The following ANKRD29 variants were observed in gnomAD, a reference collection of about 807,000 sequenced individuals.
The protein encoded by ANKRD29 is ankyrin repeat domain 29.
ANKRD29 carries 32 observed loss-of-function variants against 38.0 expected under a neutral mutation model. The ratio of observed to expected loss-of-function variants is 0.84; its 90% confidence interval spans 0.64 to 1.13. ANKRD29 has a LOEUF of 1.13. Among genes scored for constraint, ANKRD29 ranks in the 50% most tolerant of loss-of-function variants. The pLI is 0.00. For missense variants in ANKRD29, 357 were observed against 377.9 expected (o/e 0.94, Z 0.46); for synonymous variants, 135 against 152.4 (o/e 0.89, Z 0.84).
chr18:23,662,692 G>T lies in ANKRD29; in HGVS notation c.21+18C>A. 7.3e-7 allele frequency: 1 copy of T among 1,371,042 alleles called. No individual in the cohort carries two copies. The highest frequency in any genetic ancestry group is 9.4e-7 in the Non-Finnish European group (1 of 1,065,652). The allele number at this position is 1,371,042 out of a possible 1,614,324, so 84.9% of individuals were successfully genotyped here. On this transcript the variant is annotated intron_variant, in intron 1 of 9. Transcript: ENST00000592179. ...CGAGCCCGGCCCCAGCCCTGACCCC[G>T]GAGTCCCGGTCGCTCACCTTGAAGG...
At chr18:23,661,954 T>C (rs1215964177) in intron 1 of ANKRD29, among the ~76,000 whole-genome samples, 1 of 151,932 alleles carries the variant, frequency 6.6e-6, no homozygotes, top group Non-Finnish European at 1.5e-5. Flanking sequence ...GGTTTCAGTC[T>C]TAACACCATA....
At chr18:23,603,690 G>C (rs1368654970) in intron 9 of ANKRD29, among the ~76,000 whole-genome samples, 1 of 152,144 alleles carries the variant, frequency 6.6e-6, no homozygotes, top group Non-Finnish European at 1.5e-5. Context: ...GTTTTGGGAA[G>C]CTGTTAAGGT....
At chr18:23,634,278 GTTTTTTTTTT>G (rs71163626) in intron 4 of ANKRD29, 129 bp from the exon 5 acceptor site, 128 of 372,852 alleles carry the variant, frequency 3.4e-4, no homozygotes, top group East Asian at 5.4e-4. Flanking sequence ...CACTTTCCCT[GTTTTTTTTTT>G]TTTTTTTTTT....
intron 3 of ANKRD29, among the ~76,000 whole-genome samples, chr18:23,641,626 T>A (rs1004680485): frequency 6.6e-5 from 10 of 152,250 alleles, no homozygotes; most frequent in Admixed American, 2.0e-4. Context: ...AGGAACAGCC[T>A]GGGTGCCGTG....
chr18:23,602,748 C>T (rs2059529514), intron 9 of ANKRD29, among the ~76,000 whole-genome samples: 1 of 149,048 alleles, frequency 6.7e-6, no homozygotes, highest in South Asian at 2.1e-4. Context: ...AGTGAAACCT[C>T]ATCTCTATTA....
At chr18:23,614,547 A>G (rs988518008) in intron 8 of ANKRD29, among the ~76,000 whole-genome samples, 1 of 151,942 alleles carries the variant, frequency 6.6e-6, no homozygotes, top group African/African-American at 2.4e-5. Context: ...GGCCAGACAC[A>G]GTGGCTCACA....
chr18:23,654,382 G>A (rs1335574021), intron 1 of ANKRD29, among the ~76,000 whole-genome samples: 3 of 151,964 alleles, frequency 2.0e-5, no homozygotes, highest in Non-Finnish European at 4.4e-5. Flanking sequence ...CACTTTAGGA[G>A]GCTGAGGTAG....
At chr18:23,619,748 CA>C in intron 6 of ANKRD29, 119 bp from the exon 7 acceptor site, 1 of 765,966 alleles carries the variant, frequency 1.3e-6, no homozygotes, top group Non-Finnish European at 2.0e-6. Context: ...TCCCTGACCG[CA>C]GATCACACTC....
chr18:23,615,892 TTTATA>T (rs1176034551), intron 8 of ANKRD29, among the ~76,000 whole-genome samples: 2 of 147,874 alleles, frequency 1.4e-5, no homozygotes, highest in African/African-American at 4.9e-5. Flanking sequence ...ATAGTATATA[TTTATA>T]TTATATAGTA....
chr18:23,636,659 G>T (rs915933224), intron 4 of ANKRD29, among the ~76,000 whole-genome samples: 9 of 152,022 alleles, frequency 5.9e-5, no homozygotes, highest in African/African-American at 2.2e-4. Context: ...CTGCAGCCTT[G>T]ACCTCCCAGG....
chr18:23,639,061 A>G, intron 3 of ANKRD29, 114 bp from the exon 4 acceptor site: 1 of 728,930 alleles, frequency 1.4e-6, no homozygotes, highest in Non-Finnish European at 2.1e-6. Flanking sequence ...CTAGCCTAGG[A>G]AGGGGCTAAA....
intron 6 of ANKRD29, among the ~76,000 whole-genome samples, chr18:23,622,207 G>C (rs1454316313): frequency 2.0e-5 from 3 of 152,302 alleles, no homozygotes; most frequent in East Asian, 3.9e-4. Flanking sequence ...AGGGTCGTTT[G>C]AAGGAGAAGG....
At chr18:23,612,616 G>C (rs2059657911) in intron 8 of ANKRD29, among the ~76,000 whole-genome samples, 1 of 152,140 alleles carries the variant, frequency 6.6e-6, no homozygotes, top group African/African-American at 2.4e-5. Flanking sequence ...TTAGCCAACG[G>C]GCTGACCTGT....
At chr18:23,635,540 C>T (rs1190688242) in intron 4 of ANKRD29, among the ~76,000 whole-genome samples, 1 of 152,204 alleles carries the variant, frequency 6.6e-6, no homozygotes, top group Non-Finnish European at 1.5e-5. Context: ...TTGTTTGGCT[C>T]TCTGAACTGG....
At chr18:23,651,008 C>T (rs1380860514) in intron 1 of ANKRD29, among the ~76,000 whole-genome samples, 3 of 152,100 alleles carry the variant, frequency 2.0e-5, no homozygotes, top group Non-Finnish European at 1.5e-5. Context: ...ATATTGATAT[C>T]GTATTAAATA....
intron 9 of ANKRD29, among the ~76,000 whole-genome samples, chr18:23,603,577 G>T (rs2059539653): frequency 6.6e-6 from 1 of 152,214 alleles, no homozygotes; most frequent in Admixed American, 6.5e-5. Flanking sequence ...AGGTTGCAGT[G>T]AGCTGAGATC....
chr18:23,639,529 ATT>A (rs11310206), intron 3 of ANKRD29, among the ~76,000 whole-genome samples: 3,417 of 120,318 alleles, frequency 0.028, 71 homozygotes, highest in African/African-American at 0.083. Context: ...TTTTACTGTG[ATT>A]TTTTTTTTTT....
chr18:23,619,143 G>A (rs2059760746), intron 7 of ANKRD29, among the ~76,000 whole-genome samples: 1 of 152,200 alleles, frequency 6.6e-6, no homozygotes, highest in South Asian at 2.1e-4. Flanking sequence ...CGGGGTGCAA[G>A]GGGTCTGCAG....
At chr18:23,628,738 G>T (rs1281528075) in intron 6 of ANKRD29, among the ~76,000 whole-genome samples, 1 of 151,626 alleles carries the variant, frequency 6.6e-6, no homozygotes, top group Non-Finnish European at 1.5e-5. Flanking sequence ...AGCTATTTGG[G>T]AGGCTGAGGC....
Sources: gnomAD v4.1 joint callset for allele counts (sites outside exome capture counted in the v4.1 genomes callset) on GRCh38, gnomAD v4.1.1 for gene constraint, MANE v1.5 for transcripts, NCBI Gene and HGNC (gene_info 2026-07-23, HGNC 2026-07-21) for gene names.